The following HECW1 variants were observed in gnomAD, a reference collection of about 807,000 sequenced individuals.
HECW1 encodes E3 ubiquitin-protein ligase HECW1.
In HECW1, 61 loss-of-function variants were observed where a neutral mutation model predicts 182.3. The observed-to-expected ratio is 0.33, with a 90% CI of 0.27 to 0.41. The LOEUF is 0.41. Among genes scored for constraint, HECW1 ranks in the 10% least tolerant of loss-of-function variants. The pLI is 1.00. For synonymous variants in HECW1, 859 were observed against 832.6 expected (o/e 1.03, Z -0.55); for missense variants, 1,739 against 2,108.9 (o/e 0.82, Z 3.44).
At chr7:43,397,013 T>A (rs1180993198) in intron 7 of HECW1, 124 bp downstream of exon 7, 4 of 726,788 alleles carry the variant, frequency 5.5e-6, no homozygotes, top group Non-Finnish European at 9.8e-6. Flanking sequence ...AATTTCTCAA[T>A]CTGTAAAGCA....
intron 3 of HECW1, among the ~76,000 whole-genome samples, chr7:43,273,518 C>G (rs553920657): frequency 1.3e-5 from 2 of 151,964 alleles, no homozygotes; most frequent in East Asian, 3.9e-4. Flanking sequence ...AATTAGTTAA[C>G]TACTTTGAAA....
intron 8 of HECW1, among the ~76,000 whole-genome samples, chr7:43,434,658 A>G (rs1937183335): frequency 6.6e-6 from 1 of 152,184 alleles, no homozygotes; most frequent in African/African-American, 2.4e-5. Flanking sequence ...GGGGGTCTAC[A>G]TGGACTCCAG....
intron 2 of HECW1, among the ~76,000 whole-genome samples, chr7:43,237,744 A>G (rs1798505768): frequency 6.6e-6 from 1 of 151,944 alleles, no homozygotes; most frequent in Non-Finnish European, 1.5e-5. Context: ...TACCTCTCCA[A>G]CTCCCTAAGA....
At chr7:43,322,362 A>T (rs1156643159) in intron 5 of HECW1, among the ~76,000 whole-genome samples, 1 of 152,090 alleles carries the variant, frequency 6.6e-6, no homozygotes, top group African/African-American at 2.4e-5. Flanking sequence ...ACCTGGCCAG[A>T]ATTTCTTTTC....
intron 19 of HECW1, among the ~76,000 whole-genome samples, chr7:43,499,651 TA>T (rs796917168): frequency 7.9e-4 from 119 of 150,956 alleles, no homozygotes; most frequent in African/African-American, 2.2e-3. Flanking sequence ...AGTTAAAGAT[TA>T]AAAAAAAACA....
chr7:43,222,576 T>C (rs1797075380), intron 2 of HECW1, among the ~76,000 whole-genome samples: 1 of 152,218 alleles, frequency 6.6e-6, no homozygotes, highest in Admixed American at 6.5e-5. Flanking sequence ...CTTCAGCTGC[T>C]ACTGCTGAAT....
chr7:43,384,772 A>G (rs2152829923), intron 6 of HECW1, among the ~76,000 whole-genome samples: 1 of 152,196 alleles, frequency 6.6e-6, no homozygotes, highest in South Asian at 2.1e-4. Flanking sequence ...CGTGAGAGGG[A>G]GTGGGTGGCT....
At chr7:43,188,855 A>G (rs1405177816) in intron 2 of HECW1, among the ~76,000 whole-genome samples, 1 of 152,218 alleles carries the variant, frequency 6.6e-6, no homozygotes. Context: ...CCCTCCTGCC[A>G]TCTTGTCATT....
intron 17 of HECW1, among the ~76,000 whole-genome samples, chr7:43,491,741 T>C (rs1484865290): frequency 6.6e-6 from 1 of 152,176 alleles, no homozygotes; most frequent in Non-Finnish European, 1.5e-5. Flanking sequence ...GACAGGCATC[T>C]GCCACCACAT....
intron 2 of HECW1, among the ~76,000 whole-genome samples, chr7:43,177,320 A>G (rs183505341): frequency 6.6e-6 from 1 of 152,288 alleles, no homozygotes; most frequent in African/African-American, 2.4e-5. Flanking sequence ...GGGGCCTTCC[A>G]CAGTGAATCT....
At chr7:43,172,352 A>C (rs756033180) in intron 2 of HECW1, among the ~76,000 whole-genome samples, 3 of 151,908 alleles carry the variant, frequency 2.0e-5, no homozygotes, top group Admixed American at 6.6e-5. Flanking sequence ...ACTATGGAAA[A>C]AATAGAAAAA....
At chr7:43,405,769 A>G (rs1345468839) in intron 7 of HECW1, among the ~76,000 whole-genome samples, 1 of 152,196 alleles carries the variant, frequency 6.6e-6, no homozygotes, top group Non-Finnish European at 1.5e-5. Context: ...CCTGAAATCC[A>G]GGTTTCTAGA....
intron 2 of HECW1, among the ~76,000 whole-genome samples, chr7:43,130,644 C>T (rs1786810729): frequency 6.6e-6 from 1 of 152,180 alleles, no homozygotes; most frequent in African/African-American, 2.4e-5. Context: ...AACTAAGCAA[C>T]ACAGTAGCAT....
At chr7:43,141,905 G>T (rs1788197793) in intron 2 of HECW1, among the ~76,000 whole-genome samples, 1 of 152,160 alleles carries the variant, frequency 6.6e-6, no homozygotes, top group South Asian at 2.1e-4. Context: ...CTATGAGCCG[G>T]ACACCTCAAG....
intron 5 of HECW1, among the ~76,000 whole-genome samples, chr7:43,324,063 G>C (rs949176195): frequency 2.0e-5 from 3 of 152,060 alleles, no homozygotes; most frequent in East Asian, 3.9e-4. Flanking sequence ...CTTGCAGAAG[G>C]CATATTCCAA....
intron 6 of HECW1, among the ~76,000 whole-genome samples, chr7:43,380,544 CT>C (rs1351303448): frequency 6.6e-6 from 1 of 151,972 alleles, no homozygotes; most frequent in Non-Finnish European, 1.5e-5. Flanking sequence ...TTTTTTCCCC[CT>C]AGATGAAGTT....
chr7:43,500,820 C>T (rs767842782), intron 20 of HECW1, 38 bp downstream of exon 20: 1 of 1,526,766 alleles, frequency 6.5e-7, no homozygotes, highest in South Asian at 1.1e-5. Flanking sequence ...GGAAAAGCTT[C>T]CCTGGGCAGC....
intron 2 of HECW1, among the ~76,000 whole-genome samples, chr7:43,124,869 G>A (rs993654547): frequency 4.6e-5 from 7 of 152,078 alleles, no homozygotes; most frequent in Non-Finnish European, 1.0e-4. Context: ...ACAATACTCA[G>A]TGGGCCAAAC....
intron 5 of HECW1, among the ~76,000 whole-genome samples, chr7:43,327,870 A>T (rs1247363013): frequency 6.6e-6 from 1 of 152,140 alleles, no homozygotes; most frequent in African/African-American, 2.4e-5. Flanking sequence ...CATAATAGTG[A>T]TTAAAGAGCA....
Sources: allele counts gnomAD v4.1 joint callset (sites outside exome capture counted in the v4.1 genomes callset), GRCh38; gene constraint gnomAD v4.1.1; transcripts MANE v1.5; gene names NCBI Gene and HGNC (gene_info 2026-07-23, HGNC 2026-07-21).